Variants in METTL24 observed in about 807,000 individuals in gnomAD.
METTL24 encodes methyltransferase like 24.
A neutral mutation model predicts 32.7 loss-of-function variants in METTL24; 29 were observed. The ratio of observed to expected loss-of-function variants is 0.89; its 90% confidence interval spans 0.66 to 1.21. The LOEUF (loss-of-function observed/expected upper bound fraction) is 1.21. Among genes scored for constraint, METTL24 ranks in the 50% most tolerant of loss-of-function variants. The pLI is 0.00. For missense variants in METTL24, 439 were observed against 468.1 expected (o/e 0.94, Z 0.57); for synonymous variants, 163 against 179.5 (o/e 0.91, Z 0.73).
chr6:110,285,864 C>G (rs181506509), intron 4 of METTL24, among the ~76,000 whole-genome samples: 162 of 152,316 alleles, frequency 1.1e-3, no homozygotes, highest in Non-Finnish European at 1.8e-3. Context: ...ACAAGTACAC[C>G]CACTTCTTGT....
At position 110,248,477 on chromosome 6, in the gene METTL24, G is replaced by A. The variant is rs1163009465; in HGVS notation, c.787-2217C>T. On this transcript the variant is annotated intron_variant, in intron 4 of 4. Coordinates refer to ENST00000338882, the MANE Select transcript of METTL24 (RefSeq NM_001123364.3). Reference sequence around the variant, plus strand: ...TGGTAATACCCGAAGAATACTGAGTGCCTTAGGAAAGCCTGGGTGTCTGTA... The same window carrying A: ...TGGTAATACCCGAAGAATACTGAGTACCTTAGGAAAGCCTGGGTGTCTGTA... 3.9e-5 allele frequency among the ~76,000 whole-genome samples: 6 copies of A among 152,232 alleles called. No homozygotes were observed. In the South Asian group the frequency reaches 6.2e-4, roughly 16 times the overall value.
At chr6:110,252,253 T>A (rs937480285) in intron 4 of METTL24, among the ~76,000 whole-genome samples, 1 of 152,178 alleles carries the variant, frequency 6.6e-6, no homozygotes, top group Non-Finnish European at 1.5e-5. Flanking sequence ...AAACAACAAA[T>A]TTATTTTCTC....
intron 1 of METTL24, among the ~76,000 whole-genome samples, chr6:110,325,192 G>A (rs564155786): frequency 1.3e-5 from 2 of 152,220 alleles, no homozygotes; most frequent in South Asian, 4.2e-4. Context: ...CAAGGGCCCC[G>A]AGCATCTGGC....
intron 4 of METTL24, among the ~76,000 whole-genome samples, chr6:110,295,189 A>AT (rs1771392020): frequency 6.6e-6 from 1 of 151,778 alleles, no homozygotes; most frequent in South Asian, 2.1e-4. Context: ...TGCCCAGCTA[A>AT]TTTTTTAAAT....
rs1771467410 is a variant in METTL24 at position 110,298,819 on chromosome 6, C to G, written c.786+103G>C. ...GTGATTAGTAAGATTAAAATCGGACCTTCAGCTATCCAATGTCAATGTTGC... is the reference window on the plus strand; with the variant it reads ...GTGATTAGTAAGATTAAAATCGGACGTTCAGCTATCCAATGTCAATGTTGC... On this transcript the variant is annotated intron_variant, in intron 4 of 4. Transcript: ENST00000338882. 1.5e-5 allele frequency: 14 copies of G among 958,228 alleles called. No homozygotes were observed. In the South Asian group the frequency reaches 2.0e-4, roughly 14 times the overall value. The allele number at this position is 958,228 out of a possible 1,614,324, so 59.4% of individuals were successfully genotyped here. A position where few individuals can be genotyped will look rare whatever the true frequency, so the allele number is the denominator to read the frequency against.
At chr6:110,261,172 C>A (rs1338733162) in intron 4 of METTL24, among the ~76,000 whole-genome samples, 1 of 152,090 alleles carries the variant, frequency 6.6e-6, no homozygotes, top group African/African-American at 2.4e-5. Context: ...ACAGACTTGG[C>A]AAATTGGATA....
intron 3 of METTL24, among the ~76,000 whole-genome samples, chr6:110,303,283 C>A (rs963170231): frequency 8.6e-5 from 13 of 151,852 alleles, no homozygotes; most frequent in African/African-American, 3.1e-4. Flanking sequence ...TTTTTCATAC[C>A]CCAGTGGTGC....
chr6:110,268,420 G>A (rs1770897378), intron 4 of METTL24, among the ~76,000 whole-genome samples: 1 of 152,198 alleles, frequency 6.6e-6, no homozygotes, highest in African/African-American at 2.4e-5. Flanking sequence ...CAACATTGGT[G>A]AGGGTTCATA....
At chr6:110,273,699 C>T (rs1770995611) in intron 4 of METTL24, among the ~76,000 whole-genome samples, 1 of 152,044 alleles carries the variant, frequency 6.6e-6, no homozygotes, top group Admixed American at 6.5e-5. Context: ...GCAAGAATGG[C>T]AATAATTTAA....
intron 3 of METTL24, among the ~76,000 whole-genome samples, chr6:110,310,209 A>G (rs928972107): frequency 2.0e-5 from 3 of 152,182 alleles, no homozygotes; most frequent in Non-Finnish European, 4.4e-5. Flanking sequence ...TTATGAAATC[A>G]TCTACTATCT....
chr6:110,352,593 CTT>C (rs75737659), intron 1 of METTL24, among the ~76,000 whole-genome samples: 2,166 of 145,624 alleles, frequency 0.015, 38 homozygotes, highest in East Asian at 0.099. Context: ...ATTTTCATAT[CTT>C]TTTTTTTTTT....
intron 1 of METTL24, among the ~76,000 whole-genome samples, chr6:110,331,793 G>A (rs891848559): frequency 1.3e-5 from 2 of 151,980 alleles, no homozygotes; most frequent in African/African-American, 4.8e-5. Context: ...ACACCTTTAT[G>A]TGTCATAAGC....
chr6:110,324,231 GAC>G (rs1187423486), intron 1 of METTL24, among the ~76,000 whole-genome samples: 2 of 152,178 alleles, frequency 1.3e-5, no homozygotes, highest in African/African-American at 4.8e-5. Context: ...GGCATTATTA[GAC>G]ACACATCATT....
At chr6:110,336,751 A>C (rs867540764) in intron 1 of METTL24, among the ~76,000 whole-genome samples, 138 of 151,988 alleles carry the variant, frequency 9.1e-4, no homozygotes, top group African/African-American at 2.5e-3. Flanking sequence ...AAAAAAAAAA[A>C]AAAAACAAAA....
intron 4 of METTL24, among the ~76,000 whole-genome samples, chr6:110,294,536 T>G (rs1771376518): frequency 6.6e-6 from 1 of 151,842 alleles, no homozygotes; most frequent in African/African-American, 2.4e-5. Context: ...TAGAAGTTAG[T>G]CCCAATATGC....
Position 110,261,538 on chromosome 6 carries a change from T to C in METTL24, c.787-15278A>G, listed in dbSNP as rs184653407. 2.0e-4 allele frequency among the ~76,000 whole-genome samples: 31 copies of C among 152,230 alleles called. No individual in the cohort carries two copies. In the East Asian group the frequency reaches 6.0e-3, roughly 29 times the overall value. On this transcript the variant is annotated intron_variant, in intron 4 of 4. Transcript: ENST00000338882. ...AATGGGAGACTTTAACACACCACTG[T>C]CAACATTAGACAGATGAATGAGACA...
chr6:110,269,624 G>A (rs930805012), intron 4 of METTL24, among the ~76,000 whole-genome samples: 1 of 152,134 alleles, frequency 6.6e-6, no homozygotes, highest in Non-Finnish European at 1.5e-5. Flanking sequence ...ATGCTAATAT[G>A]AATTTAGGAA....
rs368997361 is a variant in METTL24 at position 110,343,239 on chromosome 6, G to C, written c.318+14716C>G. On this transcript the variant is annotated intron_variant, in intron 1 of 4. Coordinates refer to ENST00000338882, the MANE Select transcript of METTL24 (RefSeq NM_001123364.3). ...AAGGGAAAAAGGGGTTCTGCATGAAGCAATATATTGCTGCTCTCAAAGTAC... is the reference window on the plus strand; with the variant it reads ...AAGGGAAAAAGGGGTTCTGCATGAACCAATATATTGCTGCTCTCAAAGTAC... Among the ~76,000 whole-genome samples the C allele has an allele frequency of 1.1e-3, 165 of 152,252 alleles. 1 individual carries two copies. The highest frequency in any genetic ancestry group is 3.6e-3 in the African/African-American group (148 of 41,566).
intron 1 of METTL24, among the ~76,000 whole-genome samples, chr6:110,348,593 G>A (rs950664467): frequency 6.6e-6 from 1 of 152,244 alleles, no homozygotes; most frequent in Non-Finnish European, 1.5e-5. Context: ...ACTTGCTGTC[G>A]CATTGTGCAC....
Sources: allele counts gnomAD v4.1 joint callset (sites outside exome capture counted in the v4.1 genomes callset), GRCh38; gene constraint gnomAD v4.1.1; transcripts MANE v1.5; gene names NCBI Gene and HGNC (gene_info 2026-07-23, HGNC 2026-07-21).